GSDMC: variants seen among roughly 807,000 people sequenced by gnomAD.
GSDMC encodes the protein gasdermin C, also known as gasdermin-C.
Under a neutral mutation model 58.0 loss-of-function variants are expected in GSDMC, and 59 were observed. The observed-to-expected ratio is 1.02, with a 90% confidence interval of 0.82 to 1.26. The LOEUF (loss-of-function observed/expected upper bound fraction) is 1.26. GSDMC is among the 50% of genes most tolerant of loss of function. GSDMC has a pLI of 0.00. For missense variants in GSDMC, 659 were observed against 598.5 expected (o/e 1.10, Z -1.06); for synonymous variants, 241 against 220.2 (o/e 1.09, Z -0.83).
chr8:129,776,115 CT>C lies in GSDMC; in HGVS notation c.390del (p.Asp131ThrfsTer15). The C allele has an allele frequency of 1.2e-6, 2 of 1,612,582 alleles. No homozygotes were observed. The highest frequency in any genetic ancestry group is 1.7e-6 in the Non-Finnish European group (2 of 1,179,392). ...QIVTIPSPNL[E>X]DFQKRKLLDP... ...CCATGGCCTCACCTTTTTTGAAAGT[CT>C]TCCAGGTTTGGTGATGGGATGGTAA... On this transcript the variant is annotated frameshift_variant, in exon 3 of 14. Transcript: ENST00000276708. LOFTEE classifies it high-confidence loss of function.
chr8:129,707,295 T>G, the GSDMC span: 1 of 152,148 alleles, frequency 6.6e-6, no homozygotes, highest in African/African-American at 2.4e-5. Flanking sequence ...CTGCACAATC[T>G]GCAGGGCCCA....
chr8:129,724,229 C>A, the GSDMC span, among the ~76,000 whole-genome samples: 3 of 152,310 alleles, frequency 2.0e-5, no homozygotes, highest in Admixed American at 1.3e-4. Context: ...GTGACTATAG[C>A]CCTTGCCAAC....
At chr8:129,769,791 T>A (rs2130501300) in intron 3 of GSDMC, among the ~76,000 whole-genome samples, 1 of 152,164 alleles carries the variant, frequency 6.6e-6, no homozygotes, top group South Asian at 2.1e-4. Flanking sequence ...CAAACAAGAA[T>A]AAAAAACTCA....
chr8:129,715,926 A>T, the GSDMC span, among the ~76,000 whole-genome samples: 1 of 152,236 alleles, frequency 6.6e-6, no homozygotes, highest in Non-Finnish European at 1.5e-5. Context: ...AGAAAAATAG[A>T]TAATGCCATT....
chr8:129,783,603 A>G (rs2130592896), intron 1 of GSDMC, among the ~76,000 whole-genome samples: 1 of 152,292 alleles, frequency 6.6e-6, no homozygotes, highest in Non-Finnish European at 1.5e-5. Flanking sequence ...GGACACAAAA[A>G]ATGGAAAGAT....
intron 8 of GSDMC, 62 bp downstream of exon 8, chr8:129,752,044 G>A (rs1315463623): frequency 6.7e-7 from 1 of 1,499,528 alleles, no homozygotes; most frequent in Non-Finnish European, 9.3e-7. Flanking sequence ...AGCACCAAAG[G>A]CAATCAGGTG....
chr8:129,751,580 A>G lies in GSDMC; in HGVS notation c.917-12T>C. ...TTCCTCTATTCTTCCTAGAAGGAGAATCAAGTCATCATCTCACTTCCTCAT... is the reference window on the plus strand; with the variant it reads ...TTCCTCTATTCTTCCTAGAAGGAGAGTCAAGTCATCATCTCACTTCCTCAT... On this transcript the variant is annotated splice_polypyrimidine_tract_variant and intron_variant, in intron 9 of 13. Coordinates refer to ENST00000276708, the MANE Select transcript of GSDMC (RefSeq NM_031415.3). The G allele has an allele frequency of 6.2e-7, 1 of 1,611,684 alleles. No individual in the cohort carries two copies. The highest frequency in any genetic ancestry group is 8.5e-7 in the Non-Finnish European group (1 of 1,178,366).
rs2033023721 is a variant in GSDMC, at chr8:129,748,445, C to T, written c.*56G>A. ...TCTCTTGCACCCATAAGGACACTCA[C>T]AGCATAGACTGGGCGAGGGCCAGCA... On this transcript the variant is annotated 3_prime_UTR_variant, in exon 14 of 14. Coordinates refer to ENST00000276708, the MANE Select transcript of GSDMC (RefSeq NM_031415.3). The T allele has an allele frequency of 6.5e-7, 1 of 1,535,220 alleles. No homozygotes were observed. Among genetic ancestry groups the T allele is most frequent in the Non-Finnish European group, 8.7e-7 (1 of 1,143,092 alleles).
the GSDMC span, among the ~76,000 whole-genome samples, chr8:129,709,866 C>T: frequency 6.6e-6 from 1 of 152,188 alleles, no homozygotes; most frequent in Non-Finnish European, 1.5e-5. Context: ...AATGACCTTT[C>T]CCCACTGGCG....
At chr8:129,760,644 C>G in intron 5 of GSDMC, 55 bp from the exon 6 acceptor site, 12 of 520,490 alleles carry the variant, frequency 2.3e-5, no homozygotes, top group South Asian at 6.1e-5. Context: ...CCTGCCTGAA[C>G]CTAGACCAGG....
At chr8:129,727,453 G>C in the GSDMC span, among the ~76,000 whole-genome samples, 1 of 152,180 alleles carries the variant, frequency 6.6e-6, no homozygotes, top group East Asian at 1.9e-4. Flanking sequence ...ATAAAAGTAA[G>C]TGAAGCCCCA....
the GSDMC span, among the ~76,000 whole-genome samples, chr8:129,724,859 A>G: frequency 6.6e-6 from 1 of 152,176 alleles, no homozygotes; most frequent in African/African-American, 2.4e-5. Flanking sequence ...AGAAATAACA[A>G]TTAACAAAGG....
the GSDMC span, among the ~76,000 whole-genome samples, chr8:129,709,691 C>G: frequency 2.5e-3 from 388 of 152,248 alleles, 2 homozygotes; most frequent in African/African-American, 9.0e-3. Context: ...TGCCAAGGCT[C>G]TCTGCATTAT....
At chr8:129,746,575 C>T (rs1465244240), downstream of GSDMC, among the ~76,000 whole-genome samples, 1 of 151,940 alleles carries the variant, frequency 6.6e-6, no homozygotes, top group African/African-American at 2.4e-5. Flanking sequence ...TCTGTAGCTC[C>T]CAGGAAAAGT....
At chr8:129,742,504 T>C in the GSDMC span, among the ~76,000 whole-genome samples, 1 of 152,164 alleles carries the variant, frequency 6.6e-6, no homozygotes, top group African/African-American at 2.4e-5. Flanking sequence ...ACCAGGGTCA[T>C]TCTACAGGTC....
intron 4 of GSDMC, among the ~76,000 whole-genome samples, chr8:129,764,801 A>C (rs1183404041): frequency 6.6e-6 from 1 of 152,240 alleles, no homozygotes; most frequent in Non-Finnish European, 1.5e-5. Context: ...TCTTACTTGC[A>C]GTCCCACCTA....
intron 1 of GSDMC, among the ~76,000 whole-genome samples, chr8:129,779,253 T>C (rs957167944): frequency 6.6e-6 from 1 of 152,168 alleles, no homozygotes; most frequent in Non-Finnish European, 1.5e-5. Flanking sequence ...ACGCGGTACA[T>C]ATACCTCATG....
chr8:129,720,133 T>C, the GSDMC span, among the ~76,000 whole-genome samples: 1 of 152,184 alleles, frequency 6.6e-6, no homozygotes, highest in Non-Finnish European at 1.5e-5. Flanking sequence ...GTAGCCAAGC[T>C]AGAAAGTAGA....
intron 3 of GSDMC, among the ~76,000 whole-genome samples, chr8:129,769,218 G>A (rs906042578): frequency 6.6e-6 from 1 of 152,106 alleles, no homozygotes; most frequent in Admixed American, 6.5e-5. Flanking sequence ...TCTACACCAA[G>A]ACACGTTATA....
Sources: gnomAD v4.1 joint callset for allele counts (sites outside exome capture counted in the v4.1 genomes callset) on GRCh38, gnomAD v4.1.1 for gene constraint, MANE v1.5 for transcripts, NCBI Gene and HGNC (gene_info 2026-07-23, HGNC 2026-07-21) for gene names.